The following ZFHX3 variants were observed in gnomAD, a reference collection of about 807,000 sequenced individuals.
The protein encoded by ZFHX3 is zinc finger homeobox protein 3.
In ZFHX3, 42 loss-of-function variants were observed where a neutral mutation model predicts 279.1. The ratio of observed to expected loss-of-function variants is 0.15; its 90% CI spans 0.12 to 0.19. The LOEUF (loss-of-function observed/expected upper bound fraction) is 0.19. ZFHX3 is among the 10% of genes least tolerant of loss of function. The pLI is 1.00. For synonymous variants in ZFHX3, 2,293 were observed against 1,957.8 expected, an observed-to-expected ratio of 1.17 and a Z score of -4.52; for missense variants, 4,981 against 4,754.0, an observed-to-expected ratio of 1.05 and a Z score of -1.40.
chr16:72,859,273 T>C (rs933019756), intron 4 of ZFHX3, among the ~76,000 whole-genome samples: 5 of 152,216 alleles, frequency 3.3e-5, no homozygotes, highest in South Asian at 4.1e-4. Context: ...TCTTTTCCCC[T>C]GTCACCAACT....
chr16:73,779,842 C>T (rs537049689), intron 1 of ZFHX3, among the ~76,000 whole-genome samples: 15 of 152,056 alleles, frequency 9.9e-5, no homozygotes, highest in African/African-American at 2.9e-4. Flanking sequence ...CTCAGCCTCC[C>T]GAGTAACTGG....
At chr16:73,754,684 A>G (rs962703116) in intron 1 of ZFHX3, among the ~76,000 whole-genome samples, 5 of 152,216 alleles carry the variant, frequency 3.3e-5, no homozygotes, top group Non-Finnish European at 5.9e-5. Context: ...CCTTGGATTT[A>G]TGAATCTGAA....
chr16:73,153,013 A>C (rs1052333192), intron 5 of ZFHX3, among the ~76,000 whole-genome samples: 2 of 152,258 alleles, frequency 1.3e-5, no homozygotes, highest in Middle Eastern at 3.4e-3. Flanking sequence ...TGGTTTTGCT[A>C]TCAGGCTTTG....
At chr16:73,810,695 A>G (rs1214204264) in intron 1 of ZFHX3, among the ~76,000 whole-genome samples, 1 of 152,170 alleles carries the variant, frequency 6.6e-6, no homozygotes, top group Non-Finnish European at 1.5e-5. Context: ...GTCATTCAAC[A>G]ACAAAAAAAA....
At chr16:73,830,377 C>T (rs991597147) in intron 1 of ZFHX3, among the ~76,000 whole-genome samples, 1 of 151,824 alleles carries the variant, frequency 6.6e-6, no homozygotes, top group African/African-American at 2.4e-5. Flanking sequence ...GCGTCGCTCA[C>T]GCTGGGAGCT....
At chr16:73,721,608 ATC>A (rs2053474464) in intron 1 of ZFHX3, among the ~76,000 whole-genome samples, 1 of 152,170 alleles carries the variant, frequency 6.6e-6, no homozygotes, top group Admixed American at 6.5e-5. Context: ...CCCATGCACC[ATC>A]TGCTCTTCAG....
At chr16:72,925,777 T>G (rs996808255) in intron 3 of ZFHX3, among the ~76,000 whole-genome samples, 1 of 152,256 alleles carries the variant, frequency 6.6e-6, no homozygotes, top group Non-Finnish European at 1.5e-5. Flanking sequence ...CTGACCAAAC[T>G]GCCCAGAGGG....
chr16:73,370,706 C>T (rs922276472), intron 3 of ZFHX3, among the ~76,000 whole-genome samples: 2 of 152,208 alleles, frequency 1.3e-5, no homozygotes, highest in Non-Finnish European at 2.9e-5. Context: ...GTGCCATGCA[C>T]AGCTCAGCAT....
At chr16:73,445,698 G>C (rs558255299) in intron 3 of ZFHX3, among the ~76,000 whole-genome samples, 1 of 152,202 alleles carries the variant, frequency 6.6e-6, no homozygotes, top group African/African-American at 2.4e-5. Flanking sequence ...AACTTCTGGA[G>C]TCTCATTCAT....
At chr16:72,992,409 C>A (rs1249800874) in intron 1 of ZFHX3, among the ~76,000 whole-genome samples, 1 of 152,174 alleles carries the variant, frequency 6.6e-6, no homozygotes, top group African/African-American at 2.4e-5. Flanking sequence ...GAGAGGACCT[C>A]CGGCTGACCT....
At chr16:72,923,371 G>C (rs1442909783) in intron 3 of ZFHX3, among the ~76,000 whole-genome samples, 4 of 151,548 alleles carry the variant, frequency 2.6e-5, no homozygotes, top group African/African-American at 9.7e-5. Flanking sequence ...GTAGAGCCTA[G>C]GAGGCAGAGG....
intron 2 of ZFHX3, among the ~76,000 whole-genome samples, chr16:73,610,391 G>A (rs2052233208): frequency 6.6e-6 from 1 of 152,116 alleles, no homozygotes; most frequent in East Asian, 1.9e-4. Context: ...TGAATGTCGG[G>A]TATAGGGAGG....
intron 4 of ZFHX3, among the ~76,000 whole-genome samples, chr16:73,312,246 G>T (rs950200711): frequency 6.6e-6 from 1 of 152,172 alleles, no homozygotes; most frequent in African/African-American, 2.4e-5. Flanking sequence ...CTTAGGAGAG[G>T]TGTGAGAGCT....
At position 72,786,715 on chromosome 16, in the gene ZFHX3, T is replaced by C. The variant is rs1223295728; in HGVS notation, c.*449A>G. On this transcript the variant is annotated 3_prime_UTR_variant, in exon 10 of 10. Transcript: ENST00000268489. ...TTTCTTTTAGCAAGCCATTGGTATC[T>C]GAATGCTAAGATAGCAAGAAATTTA... is the stretch of plus-strand genomic sequence containing the variant. 1 of 152,546 alleles carries C rather than the reference T, an allele frequency of 6.6e-6. No homozygotes were observed. Among genetic ancestry groups the C allele is most frequent in the Admixed American group, 6.5e-5 (1 of 15,286 alleles). The allele number at this position is 152,546 out of a possible 1,614,324, so 9.4% of individuals were successfully genotyped here. A position where few individuals can be genotyped will look rare whatever the true frequency, so the allele number is the denominator to read the frequency against.
chr16:72,856,513 C>G (rs2037759215), intron 4 of ZFHX3, among the ~76,000 whole-genome samples: 1 of 152,208 alleles, frequency 6.6e-6, no homozygotes, highest in Non-Finnish European at 1.5e-5. Flanking sequence ...TCCCAAACCA[C>G]CTCTGGGAGG....
intron 4 of ZFHX3, among the ~76,000 whole-genome samples, chr16:73,300,552 G>A (rs1356248071): frequency 2.6e-5 from 4 of 151,848 alleles, no homozygotes; most frequent in African/African-American, 4.8e-5. Context: ...CACCCAGGCT[G>A]GAATGCAATG....
intron 4 of ZFHX3, among the ~76,000 whole-genome samples, chr16:73,283,714 T>C (rs1238673213): frequency 6.6e-6 from 1 of 152,202 alleles, no homozygotes; most frequent in African/African-American, 2.4e-5. Flanking sequence ...GCCACGAAAA[T>C]ACTTTAAAAA....
chr16:73,616,328 A>T (rs554159558), intron 2 of ZFHX3, among the ~76,000 whole-genome samples: 1 of 149,170 alleles, frequency 6.7e-6, no homozygotes, highest in Non-Finnish European at 1.5e-5. Flanking sequence ...GACAGCTGAC[A>T]AGGAAACACT....
upstream of ZFHX3, chr16:73,062,127 T>G (rs555855139): frequency 2.0e-5 from 3 of 152,288 alleles, no homozygotes; most frequent in African/African-American, 7.2e-5. Flanking sequence ...AATCTTTCAT[T>G]TAGCTGGCAA....
Sources: allele counts gnomAD v4.1 joint callset (sites outside exome capture counted in the v4.1 genomes callset), GRCh38; gene constraint gnomAD v4.1.1; transcripts MANE v1.5; gene names NCBI Gene and HGNC (gene_info 2026-07-23, HGNC 2026-07-21).